The following EPS15L1 variants were observed in gnomAD, a reference collection of about 807,000 sequenced individuals.
EPS15L1 encodes the protein epidermal growth factor receptor pathway substrate 15 like 1, also known as epidermal growth factor receptor substrate 15-like 1.
In EPS15L1, 43 loss-of-function variants were observed where a neutral mutation model predicts 117.1. That is an observed-to-expected ratio of 0.37 (90% CI 0.29 to 0.47). The LOEUF is 0.47. EPS15L1 is among the 20% of genes least tolerant of loss of function. EPS15L1 has a pLI of 0.99. For synonymous variants in EPS15L1, 459 were observed against 470.5 expected, an observed-to-expected ratio of 0.98 and a Z score of 0.32; for missense variants, 981 against 1,164.0, an observed-to-expected ratio of 0.84 and a Z score of 2.29.
In EPS15L1 at chr19:16,448,549, G is replaced by A. The variant is rs539455739; in HGVS notation, c.34-6330C>T. ...GCAAAATTCCGTATTAAAAAAAAAG[G>A]GGGGGGGAGAAAGGCCGGGCGCGGT... is the stretch of plus-strand genomic sequence containing the variant. On this transcript the variant is annotated intron_variant, in intron 1 of 23. Transcript: ENST00000455140. 3.5e-5 allele frequency among the ~76,000 whole-genome samples: 5 copies of A among 144,602 alleles called. 1 individual carries two copies. Among genetic ancestry groups the A allele is most frequent in the South Asian group, 2.2e-4 (1 of 4,494 alleles). The allele number at this position is 144,602 out of a possible 152,430, so 94.9% of individuals were successfully genotyped here.
At chr19:16,421,257 G>A in intron 10 of EPS15L1, 62 bp downstream of exon 10, 1 of 1,547,876 alleles carries the variant, frequency 6.5e-7, no homozygotes, top group Non-Finnish European at 8.8e-7. Flanking sequence ...ACCCTCCACA[G>A]TCTTCACCCA....
intron 13 of EPS15L1, among the ~76,000 whole-genome samples, chr19:16,410,557 C>T (rs1232038409): frequency 6.6e-6 from 1 of 152,142 alleles, no homozygotes; most frequent in Non-Finnish European, 1.5e-5. Context: ...GACAAATGTT[C>T]CTAGCAACAA....
chr19:16,431,041 C>G (rs1021282572), intron 7 of EPS15L1, among the ~76,000 whole-genome samples: 1 of 151,950 alleles, frequency 6.6e-6, no homozygotes, highest in Admixed American at 6.6e-5. Flanking sequence ...GAGTTCGAGA[C>G]CAGCCTGGCC....
At chr19:16,461,160 C>CAAG (rs1568470350) in intron 1 of EPS15L1, among the ~76,000 whole-genome samples, 1 of 151,626 alleles carries the variant, frequency 6.6e-6, no homozygotes, top group African/African-American at 2.4e-5. Flanking sequence ...AAAAATTAGC[C>CAAG]GGGCGTGGTG....
Position 16,471,830 on chromosome 19 carries a change from G to A in EPS15L1, c.33+83C>T. The A allele has an allele frequency of 1.3e-6, 1 of 752,654 alleles. No individual in the cohort carries two copies. Among genetic ancestry groups the A allele is most frequent in the Non-Finnish European group, 1.8e-6 (1 of 560,130 alleles). 46.6% of individuals were successfully genotyped at this position (752,654 alleles called of 1,614,324 possible). ...GCCGCCCCCGCCGCCGCCTGGCTGA[G>A]TCTCCCAGCGCCTCAGCCTCGCCGC... On this transcript the variant is annotated intron_variant, in intron 1 of 23. Transcript: ENST00000455140. This position sits in a 1 kb window ranked among gnomAD's most constrained non-coding sequence, Gnocchi z 4.8.
At position 16,361,910 on chromosome 19, in the gene EPS15L1, C is replaced by A; in HGVS notation, c.2455G>T (p.Ala819Ser). The A allele has an allele frequency of 6.2e-7, 1 of 1,614,114 alleles. No individual in the cohort carries two copies. The highest frequency in any genetic ancestry group is 8.5e-7 in the Non-Finnish European group (1 of 1,180,014). The stretch of plus-strand genomic sequence containing the variant: ...CTTTGGAACGGGTCGCCGCTGTCAG[C>A]CCCGAGTGGCTGGAATGGATCGGGG... ...EAPDPFQPLG[A>S]DSGDPFQSKK... The change falls in exon 23 of 24, where the codon GCT (alanine) becomes TCT (serine). Residue 819 changes from alanine to serine, a missense_variant. Coordinates refer to ENST00000455140, the MANE Select transcript of EPS15L1 (RefSeq NM_001258374.3).
rs765793463 is a variant in EPS15L1 at position 16,404,545 on chromosome 19, T to G, written c.1428+43A>C. 2 of 1,608,924 alleles carry G rather than the reference T, an allele frequency of 1.2e-6. No homozygotes were observed. Among genetic ancestry groups the G allele is most frequent in the Non-Finnish European group, 1.7e-6 (2 of 1,176,726 alleles). ...CTCAGGGGAGTCCTTGGGAAGCCCC[T>G]GCCTGTGCATAGGGCGCTGCCCCGG... is the stretch of plus-strand genomic sequence containing the variant. On this transcript the variant is annotated intron_variant, in intron 14 of 23. Coordinates refer to ENST00000455140, the MANE Select transcript of EPS15L1 (RefSeq NM_001258374.3). The surrounding 1 kb of genome is among the most constrained non-coding windows in gnomAD (Gnocchi z 4.2).
At position 16,361,710 on chromosome 19, in the gene EPS15L1, G is replaced by A. The variant is rs1009588764; in HGVS notation, c.2586+69C>T. The A allele has an allele frequency of 4.3e-5, 65 of 1,520,144 alleles. No homozygotes were observed. The Middle Eastern group carries it at 1.6e-3, about 37-fold the overall frequency. 94.2% of individuals were successfully genotyped at this position (1,520,144 alleles called of 1,614,324 possible). ...GCTGGGAGGTTTGCCTTTAAAAGGAGACAAAAATCCCAGGGAAGCTGCAAG... is the reference window on the plus strand; with the variant it reads ...GCTGGGAGGTTTGCCTTTAAAAGGAAACAAAAATCCCAGGGAAGCTGCAAG... On this transcript the variant is annotated intron_variant, in intron 23 of 23. Transcript: ENST00000455140.
At chr19:16,447,911 G>C (rs2093100001) in intron 1 of EPS15L1, among the ~76,000 whole-genome samples, 2 of 152,176 alleles carry the variant, frequency 1.3e-5, no homozygotes, top group African/African-American at 4.8e-5. Context: ...AGACAGTAAT[G>C]CACAGAACAG....
chr19:16,457,580 G>A (rs916788212), intron 1 of EPS15L1, among the ~76,000 whole-genome samples: 9 of 151,314 alleles, frequency 5.9e-5, no homozygotes, highest in African/African-American at 1.5e-4. Context: ...GTGTAGGGAA[G>A]GGCTCAAGGG....
chr19:16,395,126 C>A (rs1196698751), intron 17 of EPS15L1, among the ~76,000 whole-genome samples: 3 of 146,248 alleles, frequency 2.1e-5, no homozygotes, highest in African/African-American at 7.6e-5. Context: ...ACCCAGGAGG[C>A]GGAGGTTGCA....
In EPS15L1 at chr19:16,471,731, G is replaced by T. The variant is rs985511547; in HGVS notation, c.33+182C>A. ...GTGCCCGCGAGGGTCGCTCGGGCAC[G>T]GGAGGCCGCGGGTCCCGGCCTGTCA... On this transcript the variant is annotated intron_variant, in intron 1 of 23. Transcript: ENST00000455140. The surrounding 1 kb of genome is among the most constrained non-coding windows in gnomAD (Gnocchi z 4.8). 6.6e-5 allele frequency among the ~76,000 whole-genome samples: 10 copies of T among 151,752 alleles called. No homozygotes were observed. Among genetic ancestry groups the T allele is most frequent in the African/African-American group, 2.4e-4 (10 of 41,486 alleles).
intron 11 of EPS15L1, 138 bp from the exon 12 acceptor site, chr19:16,417,775 G>A (rs1187432878): frequency 1.0e-5 from 12 of 1,171,462 alleles, no homozygotes; most frequent in Non-Finnish European, 1.4e-5. Context: ...TCAGCCCCCT[G>A]CCTGGGGAAA....
chr19:16,375,345 CAT>C (rs1455985550), intron 22 of EPS15L1, among the ~76,000 whole-genome samples: 2 of 151,990 alleles, frequency 1.3e-5, no homozygotes, highest in Admixed American at 6.5e-5. Flanking sequence ...ACAGGGTACA[CAT>C]GTGCATGCAA....
Position 16,437,786 on chromosome 19 carries a change from A to G in EPS15L1, c.293T>C (p.Met98Thr), listed in dbSNP as rs778108075. 6.8e-6 allele frequency: 11 copies of G among 1,613,886 alleles called. No homozygotes were observed. The highest frequency in any genetic ancestry group is 9.3e-6 in the Non-Finnish European group (11 of 1,179,894). ...GACACTCACAAATTTAGGCGGTGGC[A>G]TGCTCAAATTCAGATTGCTCAAGGT... is the stretch of plus-strand genomic sequence containing the variant. ...EVTLSNLNLS[M>T]PPPKFHDTSS... Residue 98 changes from methionine to threonine, a missense_variant, in exon 5 of 24, where the codon ATG becomes ACG. Around this residue, in one of 5 missense-constraint regions of EPS15L1, gnomAD observed 62 missense variants for 104.2 expected, o/e 0.59. Coordinates refer to ENST00000455140, the MANE Select transcript of EPS15L1 (RefSeq NM_001258374.3).
chr19:16,355,934 G>A, intron 23 of EPS15L1, 83 bp from the exon 24 acceptor site: 1 of 1,477,894 alleles, frequency 6.8e-7, no homozygotes. Context: ...ATGCGTGGGA[G>A]GGGTCAGGGT....
chr19:16,391,559 G>A (rs904212737), intron 19 of EPS15L1, among the ~76,000 whole-genome samples: 7 of 151,914 alleles, frequency 4.6e-5, no homozygotes, highest in South Asian at 2.1e-4. Flanking sequence ...CCTAGAAAAC[G>A]GAAGAAGGCT....
chr19:16,426,011 G>A (rs1357904792), intron 8 of EPS15L1, among the ~76,000 whole-genome samples: 1 of 152,192 alleles, frequency 6.6e-6, no homozygotes, highest in Non-Finnish European at 1.5e-5. Context: ...CAGCGATGGT[G>A]GAACTCTCAT....
At chr19:16,453,477 G>A (rs1040626399) in intron 1 of EPS15L1, among the ~76,000 whole-genome samples, 2 of 152,208 alleles carry the variant, frequency 1.3e-5, no homozygotes, top group South Asian at 2.1e-4. Flanking sequence ...ACTTTGGGAG[G>A]CCGAGGTGGG....
Sources: gnomAD v4.1 joint callset for allele counts (sites outside exome capture counted in the v4.1 genomes callset) on GRCh38, gnomAD v4.1.1 for gene constraint, gnomAD v4.1.1 regional missense constraint, Gnocchi (gnomAD v3.1) non-coding constraint, MANE v1.5 for transcripts, NCBI Gene and HGNC (gene_info 2026-07-23, HGNC 2026-07-21) for gene names.